KHDRBS2: variants seen among roughly 807,000 people sequenced by gnomAD.
KHDRBS2 encodes the protein KH RNA binding domain containing, signal transduction associated 2.
A neutral mutation model predicts 44.3 loss-of-function variants in KHDRBS2; 26 were observed. The ratio of observed to expected loss-of-function variants is 0.59; its 90% CI spans 0.43 to 0.81. The LOEUF (loss-of-function observed/expected upper bound fraction) is 0.81. Ranked by LOEUF, KHDRBS2 falls within the 40% of genes least tolerant of loss-of-function variation. The probability of loss-of-function intolerance (pLI) is 0.00; values close to 1 mark genes in which losing one functional copy is unlikely to be tolerated. For synonymous variants in KHDRBS2, 194 were observed against 151.1 expected (o/e 1.28, Z -2.08); for missense variants, 476 against 433.1 (o/e 1.10, Z -0.88).
intron 3 of KHDRBS2, among the ~76,000 whole-genome samples, chr6:62,030,643 A>G (rs181747556): frequency 6.6e-6 from 1 of 152,260 alleles, no homozygotes; most frequent in Non-Finnish European, 1.5e-5. Flanking sequence ...CGTCAAGTAA[A>G]CCAAACCAAA....
chr6:62,209,155 A>G (rs1383179917), intron 1 of KHDRBS2, among the ~76,000 whole-genome samples: 1 of 152,236 alleles, frequency 6.6e-6, no homozygotes, highest in Non-Finnish European at 1.5e-5. Context: ...ACTCAGTCAC[A>G]GAAAGCCAAA....
intron 2 of KHDRBS2, among the ~76,000 whole-genome samples, chr6:62,084,802 C>A (rs1237330585): frequency 6.6e-6 from 1 of 151,916 alleles, no homozygotes. Flanking sequence ...AAAAGTACCC[C>A]CAAGAAATAG....
chr6:61,759,228 G>C (rs143872374), intron 6 of KHDRBS2, among the ~76,000 whole-genome samples: 14 of 152,134 alleles, frequency 9.2e-5, no homozygotes, highest in Middle Eastern at 3.4e-3. Flanking sequence ...AGCAATATTG[G>C]TAACTATGAG....
At chr6:61,636,673 C>G in the KHDRBS2 span, among the ~76,000 whole-genome samples, 1 of 152,054 alleles carries the variant, frequency 6.6e-6, no homozygotes, top group African/African-American at 2.4e-5. Context: ...ACAATATATA[C>G]GATGGCTCTC....
At chr6:61,785,369 A>G (rs1744651558) in intron 6 of KHDRBS2, among the ~76,000 whole-genome samples, 1 of 152,126 alleles carries the variant, frequency 6.6e-6, no homozygotes, top group South Asian at 2.1e-4. Context: ...ATTTTTTGTA[A>G]GAGTATAAAT....
intron 6 of KHDRBS2, among the ~76,000 whole-genome samples, chr6:61,772,417 C>T (rs540174827): frequency 1.6e-4 from 24 of 152,034 alleles, no homozygotes; most frequent in South Asian, 1.5e-3. Flanking sequence ...ATTGATAGAC[C>T]GCTAGCAAGA....
intron 6 of KHDRBS2, among the ~76,000 whole-genome samples, chr6:61,761,794 GAGA>G (rs1307754894): frequency 6.6e-6 from 1 of 152,140 alleles, no homozygotes; most frequent in Non-Finnish European, 1.5e-5. Flanking sequence ...TGGGGTGGTG[GAGA>G]AGATTTTGAG....
At chr6:61,607,547 A>AAAAAAAAAAAAAAG in the KHDRBS2 span, among the ~76,000 whole-genome samples, 1 of 140,216 alleles carries the variant, frequency 7.1e-6, no homozygotes, top group Non-Finnish European at 1.6e-5. Flanking sequence ...AAAAAAAAAG[A>AAAAAAAAAAAAAAG]TGTGTGAGAA....
chr6:62,164,298 T>C (rs1237516713), intron 2 of KHDRBS2, among the ~76,000 whole-genome samples: 1 of 151,944 alleles, frequency 6.6e-6, no homozygotes, highest in Non-Finnish European at 1.5e-5. Context: ...GACAATCAAA[T>C]GAGTCATATG....
At chr6:62,093,288 C>G (rs1471455611) in intron 2 of KHDRBS2, among the ~76,000 whole-genome samples, 1 of 151,066 alleles carries the variant, frequency 6.6e-6, no homozygotes, top group African/African-American at 2.4e-5. Flanking sequence ...TTTACTAAAT[C>G]CAAGAATAAA....
chr6:61,944,832 T>G (rs568784363), intron 4 of KHDRBS2, among the ~76,000 whole-genome samples: 1 of 151,890 alleles, frequency 6.6e-6, no homozygotes, highest in South Asian at 2.1e-4. Context: ...GGCTCACGCC[T>G]GAAATCCCAG....
intron 6 of KHDRBS2, among the ~76,000 whole-genome samples, chr6:61,775,557 A>G (rs1280649166): frequency 6.6e-6 from 1 of 152,160 alleles, no homozygotes; most frequent in African/African-American, 2.4e-5. Context: ...TTCAAAGAGA[A>G]TAAAATACTT....
At chr6:61,565,023 A>C in the KHDRBS2 span, among the ~76,000 whole-genome samples, 1 of 152,098 alleles carries the variant, frequency 6.6e-6, no homozygotes, top group Non-Finnish European at 1.5e-5. Flanking sequence ...CAGATATACA[A>C]TAAATTCATT....
intron 1 of KHDRBS2, among the ~76,000 whole-genome samples, chr6:62,205,884 C>T (rs1186131136): frequency 3.3e-5 from 5 of 152,006 alleles, no homozygotes; most frequent in Non-Finnish European, 5.9e-5. Context: ...AGCAGGTTTG[C>T]TGGGATGGAG....
chr6:62,014,683 T>C (rs892676856), intron 3 of KHDRBS2, among the ~76,000 whole-genome samples: 4 of 152,140 alleles, frequency 2.6e-5, no homozygotes, highest in African/African-American at 9.7e-5. Context: ...CTGAATAATT[T>C]CTCTTAAATA....
the KHDRBS2 span, among the ~76,000 whole-genome samples, chr6:61,627,197 G>T: frequency 7.0e-6 from 1 of 142,630 alleles, no homozygotes; most frequent in South Asian, 2.3e-4. Flanking sequence ...AGCTTGCAGT[G>T]AGCCGAGATC....
At chr6:61,833,803 G>A (rs970160582) in intron 6 of KHDRBS2, among the ~76,000 whole-genome samples, 15 of 152,038 alleles carry the variant, frequency 9.9e-5, no homozygotes, top group Non-Finnish European at 1.6e-4. Context: ...CTTATTGAAA[G>A]AACATAATAT....
intron 6 of KHDRBS2, among the ~76,000 whole-genome samples, chr6:61,774,327 T>C (rs560471081): frequency 6.6e-6 from 1 of 152,162 alleles, no homozygotes; most frequent in Non-Finnish European, 1.5e-5. Context: ...CATTGAGCAG[T>C]GTAGTTCTCC....
intron 2 of KHDRBS2, among the ~76,000 whole-genome samples, chr6:62,106,155 A>G (rs1803225641): frequency 6.6e-6 from 1 of 152,030 alleles, no homozygotes; most frequent in Non-Finnish European, 1.5e-5. Context: ...GTTTGTTATA[A>G]TTTCTGTTCT....
Sources: allele counts gnomAD v4.1 joint callset (sites outside exome capture counted in the v4.1 genomes callset), GRCh38; gene constraint gnomAD v4.1.1; transcripts MANE v1.5; gene names NCBI Gene and HGNC (gene_info 2026-07-23, HGNC 2026-07-21).